KPNB1: variants seen among roughly 807,000 people sequenced by gnomAD.
The protein encoded by KPNB1 is importin subunit beta-1.
KPNB1 carries 7 observed loss-of-function variants against 113.0 expected under a neutral mutation model. That is an observed-to-expected ratio of 0.06 (90% CI 0.04 to 0.12). The LOEUF is 0.12. Among genes scored for constraint, KPNB1 ranks in the 10% least tolerant of loss-of-function variants. KPNB1 has a pLI of 1.00. For synonymous variants in KPNB1, 363 were observed against 378.6 expected (o/e 0.96, Z 0.48); for missense variants, 400 against 1,054.8 (o/e 0.38, Z 8.60).
chr17:47,658,410 A>T, intron 4 of KPNB1, 98 bp from the exon 5 acceptor site: 1 of 1,346,256 alleles, frequency 7.4e-7, no homozygotes, highest in South Asian at 1.4e-5. Flanking sequence ...TTTTTCCTCT[A>T]AATATTTTCA....
In KPNB1 at chr17:47,684,330, G is replaced by A. The variant is rs913595163; in HGVS notation, c.*1926G>A. The A allele has an allele frequency of 6.7e-6, 1 of 150,070 alleles. No individual in the cohort carries two copies. Among genetic ancestry groups the A allele is most frequent in the African/African-American group, 2.5e-5 (1 of 40,594 alleles). The allele number at this position is 150,070 out of a possible 1,614,324, so 9.3% of individuals were successfully genotyped here. On this transcript the variant is annotated 3_prime_UTR_variant, in exon 22 of 22. Transcript: ENST00000290158. The stretch of plus-strand genomic sequence containing the variant: ...GGTGCCAGGTTCAAAGTCAAGTGCC[G>A]ATCTATGAACCAGTGTACAAAAAAA...
Position 47,675,365 on chromosome 17 carries a change from T to TTTG in KPNB1, c.1912+585_1912+586insGTT, listed in dbSNP as rs2030572577. On this transcript the variant is annotated intron_variant, in intron 15 of 21. Transcript: ENST00000290158. ...ACGGAGATTGGCAGAGGTGTTGTTT[T>TTTG]TTTTTTGTTTTTTTTTTTTGTTTGT... 7.0e-5 allele frequency among the ~76,000 whole-genome samples: 8 copies of TTTG among 114,106 alleles called. No homozygotes were observed. In the South Asian group the frequency reaches 8.1e-4, roughly 12 times the overall value. The allele number at this position is 114,106 out of a possible 152,430, so 74.9% of individuals were successfully genotyped here.
intron 21 of KPNB1, among the ~76,000 whole-genome samples, chr17:47,681,265 CTTT>C (rs535906429): frequency 8.2e-6 from 1 of 122,692 alleles, no homozygotes; most frequent in Non-Finnish European, 1.7e-5. Context: ...TTTTCTTCTT[CTTT>C]TTTTTTTTTT....
intron 2 of KPNB1, 101 bp from the exon 3 acceptor site, chr17:47,652,593 C>G (rs918373732): frequency 1.2e-6 from 1 of 857,736 alleles, no homozygotes; most frequent in East Asian, 2.8e-5. Context: ...CATTAGTTCC[C>G]CCCCTCGCCG....
Position 47,669,402 on chromosome 17 carries a change from A to T in KPNB1, c.1225-276A>T, listed in dbSNP as rs1023352519. 2.0e-5 allele frequency among the ~76,000 whole-genome samples: 3 copies of T among 152,214 alleles called. No individual in the cohort carries two copies. In the East Asian group the frequency reaches 5.8e-4, roughly 29 times the overall value. ...CTCCCAGAGTGCTGGGATTACAGGC[A>T]TGAGCCATCATCATGCCCGGCCTCT... On this transcript the variant is annotated intron_variant, in intron 10 of 21. Coordinates refer to ENST00000290158, the MANE Select transcript of KPNB1 (RefSeq NM_002265.6).
rs202081036 is a variant in KPNB1 at position 47,664,901 on chromosome 17, CA to C, written c.898-150del. 2.5e-3 allele frequency among the ~76,000 whole-genome samples: 388 copies of C among 152,186 alleles called. 2 individuals carry two copies. The highest frequency in any genetic ancestry group is 8.8e-3 in the African/African-American group (364 of 41,522). On this transcript the variant is annotated intron_variant, in intron 8 of 21. Coordinates refer to ENST00000290158, the MANE Select transcript of KPNB1 (RefSeq NM_002265.6). Reference sequence around the variant, plus strand: ...CTAAAAGATTCTCACTGAAGTAGACCAAAAAATTAGCACTTTCCAAGATCAC... The same window carrying C: ...CTAAAAGATTCTCACTGAAGTAGACCAAAAATTAGCACTTTCCAAGATCAC...
At chr17:47,662,164 T>C (rs1367040911) in intron 6 of KPNB1, 1 of 152,062 alleles carries the variant, frequency 6.6e-6, no homozygotes, top group Non-Finnish European at 1.5e-5. Context: ...CCCAACACTT[T>C]ACAGGCGCAT....
At chr17:47,664,417 C>A in intron 8 of KPNB1, 148 bp downstream of exon 8, 1 of 586,792 alleles carries the variant, frequency 1.7e-6, no homozygotes. Flanking sequence ...TAGCCAGAGC[C>A]CTTCATGAAG....
chr17:47,662,925 G>A (rs1182593434), intron 6 of KPNB1, among the ~76,000 whole-genome samples, 164 bp from the exon 7 acceptor site: 3 of 152,120 alleles, frequency 2.0e-5, no homozygotes, highest in Admixed American at 6.6e-5. Flanking sequence ...TAAAGGAACA[G>A]ATAATGAGGG....
Position 47,678,676 on chromosome 17 carries a change from C to T in KPNB1, c.2353+263C>T, listed in dbSNP as rs532422973. The T allele has an allele frequency of 3.9e-4, 148 of 379,144 alleles. 1 individual carries two copies. The highest frequency in any genetic ancestry group is 3.7e-3 in the South Asian group (132 of 35,302). 23.5% of individuals were successfully genotyped at this position (379,144 alleles called of 1,614,324 possible). ...AGGCTGGAGTGCAGTCGTGCAATCT[C>T]GGCTCACTGCAACCTCCACCTCCCA... On this transcript the variant is annotated intron_variant, in intron 19 of 21. Transcript: ENST00000290158.
In KPNB1 at chr17:47,670,847, A is replaced by G; in HGVS notation, c.1547+15A>G. 6.3e-7 allele frequency: 1 copy of G among 1,590,156 alleles called. No individual in the cohort carries two copies. The highest frequency in any genetic ancestry group is 8.6e-7 in the Non-Finnish European group (1 of 1,161,350). On this transcript the variant is annotated intron_variant, in intron 12 of 21. Coordinates refer to ENST00000290158, the MANE Select transcript of KPNB1 (RefSeq NM_002265.6). The stretch of plus-strand genomic sequence containing the variant: ...ACTACAGACAGGTAACTGATATTTC[A>G]CAGAAATGAGTGACGTCTTTGCATC...
In KPNB1 at chr17:47,673,486, G is replaced by A; in HGVS notation, c.1696-4G>A. ...TAGAGTATGTTTTCTTATTTTCTTT[G>A]TAGTCACATATCCAGAGCACATCCG... is the stretch of plus-strand genomic sequence containing the variant. On this transcript the variant is annotated splice_region_variant and splice_polypyrimidine_tract_variant and intron_variant, in intron 13 of 21. Coordinates refer to ENST00000290158, the MANE Select transcript of KPNB1 (RefSeq NM_002265.6). 3 of 1,610,190 alleles carry A rather than the reference G, an allele frequency of 1.9e-6. No individual in the cohort carries two copies. Among genetic ancestry groups the A allele is most frequent in the Non-Finnish European group, 2.5e-6 (3 of 1,176,604 alleles).
At position 47,650,283 on chromosome 17, in the gene KPNB1, C is replaced by T. The variant is rs780497245; in HGVS notation, c.39C>T (p.Pro13=). ...LITILEKTVS[P]DRLELEAAQK... ...CCATTCTCGAGAAGACCGTGTCTCC[C>T]GGTAGGACGCAGGAGCCGGGGGTAG... Residue 13 remains proline (P), a splice_region_variant and synonymous_variant, in exon 1 of 22, where the codon CCC becomes CCT. Coordinates refer to ENST00000290158, the MANE Select transcript of KPNB1 (RefSeq NM_002265.6). The T allele has an allele frequency of 1.2e-6, 2 of 1,604,638 alleles. No homozygotes were observed. The highest frequency in any genetic ancestry group is 1.7e-5 in the Admixed American group (1 of 58,862).
chr17:47,651,364 A>G, intron 2 of KPNB1: 2 of 985,096 alleles, frequency 2.0e-6, no homozygotes, highest in East Asian at 1.1e-4. Flanking sequence ...GATGCTTGAC[A>G]TCTTTGAGAA....
At position 47,650,078 on chromosome 17, in the gene KPNB1, C is replaced by G; in HGVS notation, c.-167C>G. 5 of 1,398,436 alleles carry G rather than the reference C, an allele frequency of 3.6e-6. No homozygotes were observed. The highest frequency in any genetic ancestry group is 3.2e-5 in the South Asian group (2 of 61,680). 86.6% of individuals were successfully genotyped at this position (1,398,436 alleles called of 1,614,324 possible). A position where few individuals can be genotyped will look rare whatever the true frequency, so the allele number is the denominator to read the frequency against. ...AAGGGAAGAGGAGAGGAAGGGGAGC[C>G]GGACCGACTACCCAGACAGAGCCGG... On this transcript the variant is annotated 5_prime_UTR_variant, in exon 1 of 22. Transcript: ENST00000290158.
chr17:47,652,886 G>C lies in KPNB1; in HGVS notation c.282+10G>C. On this transcript the variant is annotated intron_variant, in intron 3 of 21. Transcript: ENST00000290158. ...AGAAGTCAAGAACTATGTGAGTAAC[G>C]CTTATCTGTTTGGTTATATTGCCCA... 1 of 1,550,626 alleles carries C rather than the reference G, an allele frequency of 6.4e-7. No homozygotes were observed. The highest frequency in any genetic ancestry group is 8.7e-7 in the Non-Finnish European group (1 of 1,153,432).
chr17:47,671,929 A>G (rs1352289045), intron 12 of KPNB1: 1 of 152,158 alleles, frequency 6.6e-6, no homozygotes, highest in African/African-American at 2.4e-5. Flanking sequence ...GTTGGAGACA[A>G]CCTTTAACAA....
intron 21 of KPNB1, among the ~76,000 whole-genome samples, chr17:47,681,875 CA>C (rs1306935238): frequency 6.6e-6 from 1 of 152,048 alleles, no homozygotes; most frequent in Non-Finnish European, 1.5e-5. Context: ...CTCTGTCACC[CA>C]GGCTGGAGTG....
In KPNB1 at chr17:47,656,110, C is replaced by A. The variant is rs183598531; in HGVS notation, c.283-750C>A. ...CTCTACTAAAAATACAAAAACTAGC[C>A]GGGCATGGTGGCAGGCACCTGTAAT... is the stretch of plus-strand genomic sequence containing the variant. On this transcript the variant is annotated intron_variant, in intron 3 of 21. Transcript: ENST00000290158. Among the ~76,000 whole-genome samples the A allele has an allele frequency of 2.4e-3, 360 of 152,086 alleles. 1 individual carries two copies. The highest frequency in any genetic ancestry group is 8.4e-3 in the African/African-American group (349 of 41,456).
Sources: allele counts gnomAD v4.1 joint callset (sites outside exome capture counted in the v4.1 genomes callset), GRCh38; gene constraint gnomAD v4.1.1; transcripts MANE v1.5; gene names NCBI Gene and HGNC (gene_info 2026-07-23, HGNC 2026-07-21).